The following ABCA2 variants were observed in gnomAD, a reference collection of about 807,000 sequenced individuals.
ABCA2 encodes ATP binding cassette subfamily A member 2.
Under a neutral mutation model 262.8 loss-of-function variants are expected in ABCA2, and 84 were observed. The observed-to-expected ratio is 0.32, with a 90% CI of 0.27 to 0.38. The LOEUF (loss-of-function observed/expected upper bound fraction) is 0.38, where lower values mean the gene tolerates loss of function less well. Ranked by LOEUF, ABCA2 falls within the 10% of genes least tolerant of loss-of-function variation. The pLI, the probability that ABCA2 is intolerant of heterozygous loss-of-function variation, is 1.00. For missense variants in ABCA2, 2,662 were observed against 3,405.9 expected, an observed-to-expected ratio of 0.78 and a Z score of 5.44; for synonymous variants, 1,696 against 1,502.9, an observed-to-expected ratio of 1.13 and a Z score of -2.97.
Position 137,021,908 on chromosome 9 carries a change from GA to G in ABCA2, c.660del (p.Leu222CysfsTer213). On this transcript the variant is annotated frameshift_variant, in exon 7 of 49. Transcript: ENST00000341511. LOFTEE classifies it high-confidence loss of function. This position sits in a 1 kb window ranked among gnomAD's most constrained non-coding sequence, Gnocchi z 6.0. ...GCCCTCACCTCCATCCGGAACAGGG[GA>G]TTGCCCCCTAGGCGGCTCCAGGGCT... ...GQEPWSRLGG[N>X]PLFRMEELLL... 6.2e-7 allele frequency: 1 copy of G among 1,600,200 alleles called. No homozygotes were observed. The highest frequency in any genetic ancestry group is 8.5e-7 in the Non-Finnish European group (1 of 1,174,462).
In ABCA2 at chr9:137,016,314, G is replaced by T; in HGVS notation, c.3081C>A (p.Asn1027Lys). The change falls in exon 21 of 49, where the codon AAC becomes AAA. Residue 1027 changes from asparagine to lysine, a missense_variant. By Grantham distance (94) the Asn-to-Lys change is moderately conservative. This residue lies in a region of ABCA2 where 180 missense variants were observed against 307.3 expected (regional missense o/e 0.59). Transcript: ENST00000341511. ...ACATGGTGGTGGTCTTGCCCGCCCC[G>T]TTGTGGCCCAAGAAGGAGACCACCT... ...ENQVVSFLGH[N>K]GAGKTTTMSI... 6.2e-7 allele frequency: 1 copy of T among 1,612,778 alleles called. No homozygotes were observed. The highest frequency in any genetic ancestry group is 8.5e-7 in the Non-Finnish European group (1 of 1,179,938).
At chr9:137,008,094 CCT>C in intron 48 of ABCA2, 130 bp from the exon 49 acceptor site, 3 of 1,200,672 alleles carry the variant, frequency 2.5e-6, no homozygotes, top group South Asian at 1.4e-5. Context: ...CCACGAGCTC[CCT>C]CTGTGTCTGG....
rs1171085533 is a variant in ABCA2, at chr9:137,010,959, C to T, written c.6056+14G>A. ...CTCCCGCCCCGCCCCCGCCCCACCC[C>T]GCCCCCCACTCACTGTGGCCGCCGC... On this transcript the variant is annotated intron_variant, in intron 39 of 48. Coordinates refer to ENST00000341511, the MANE Select transcript of ABCA2 (RefSeq NM_001606.5). 2.0e-5 allele frequency: 28 copies of T among 1,401,064 alleles called. No homozygotes were observed. The highest frequency in any genetic ancestry group is 8.9e-5 in the African/African-American group (6 of 67,684). The allele number at this position is 1,401,064 out of a possible 1,614,324, so 86.8% of individuals were successfully genotyped here.
At position 137,017,917 on chromosome 9, in the gene ABCA2, G is replaced by A. The variant is rs779724846; in HGVS notation, c.2097-16C>T. On this transcript the variant is annotated splice_polypyrimidine_tract_variant and intron_variant, in intron 15 of 48. Transcript: ENST00000341511. ...AAACAGGAAGCTGCGGGGAGGCCGCGCTCAGGCGCCACTCAGCCCCAGCCC... is the reference window on the plus strand; with the variant it reads ...AAACAGGAAGCTGCGGGGAGGCCGCACTCAGGCGCCACTCAGCCCCAGCCC... The A allele has an allele frequency of 3.1e-6, 5 of 1,612,168 alleles. No homozygotes were observed. In the South Asian group the frequency reaches 3.3e-5, roughly 11 times the overall value.
In ABCA2 at chr9:137,009,650, G is replaced by A; in HGVS notation, c.6631-6C>T. ...ATGCCTGTGGTGGGCTCGTCCTGGG[G>A]ATGGGTGGCAGGCTCAGCTGCTGCC... is the stretch of plus-strand genomic sequence containing the variant. On this transcript the variant is annotated splice_region_variant and splice_polypyrimidine_tract_variant and intron_variant, in intron 43 of 48. Transcript: ENST00000341511. 6.8e-6 allele frequency: 11 copies of A among 1,612,700 alleles called. No homozygotes were observed. The highest frequency in any genetic ancestry group is 9.3e-6 in the Non-Finnish European group (11 of 1,179,880).
chr9:137,019,470 T>C lies in ABCA2; in HGVS notation c.1426-164A>G. On this transcript the variant is annotated intron_variant, in intron 10 of 48. Transcript: ENST00000341511. The surrounding 1 kb of genome is among the most constrained non-coding windows in gnomAD (Gnocchi z 4.4). ...GAGACAGGGTCTCAGTCACCCACGC[T>C]GGAGTGCAGTGGTGCAGTCCCAGCT... 1 of 751,388 alleles carries C rather than the reference T, an allele frequency of 1.3e-6. No homozygotes were observed. The highest frequency in any genetic ancestry group is 2.1e-6 in the Non-Finnish European group (1 of 482,196). The allele number at this position is 751,388 out of a possible 1,614,324, so 46.5% of individuals were successfully genotyped here.
chr9:137,021,010 G>A lies in ABCA2; in HGVS notation c.949C>T (p.Pro317Ser). 1.3e-6 allele frequency: 2 copies of A among 1,495,632 alleles called. No individual in the cohort carries two copies. The highest frequency in any genetic ancestry group is 1.8e-6 in the Non-Finnish European group (2 of 1,121,642). The allele number at this position is 1,495,632 out of a possible 1,614,324, so 92.6% of individuals were successfully genotyped here. A position where few individuals can be genotyped will look rare whatever the true frequency, so the allele number is the denominator to read the frequency against. Reference protein sequence around the residue: ...GSDSSPQAPPPRRLQALLGDL... With the variant: ...GSDSSPQAPPSRRLQALLGDL... ...CCCAGAAGCGCCTGCAGCCTCCGTG[G>A]GGGTGGCGCCTGTGGCGAGGAGTCC... The change falls in exon 9 of 49, where the codon CCA becomes TCA. Residue 317 changes from proline (P) to serine (S), a missense_variant. Pro to Ser is a moderately conservative substitution (Grantham distance 74). Coordinates refer to ENST00000341511, the MANE Select transcript of ABCA2 (RefSeq NM_001606.5). This position sits in a 1 kb window ranked among gnomAD's most constrained non-coding sequence, Gnocchi z 6.0.
chr9:137,019,238 C>T lies in ABCA2; in HGVS notation c.1494G>A (p.Ala498=), dbSNP rs543282930. ...HYAQVWLNIS[A]EIRSFLEQGR... is the part of the protein sequence containing the mutation. Reference sequence around the variant, plus strand: ...CCTGCTCCAGGAAGCTGCGGATCTCCGCCGAGATGTTGAGCCAGACCTGGG... The same window carrying T: ...CCTGCTCCAGGAAGCTGCGGATCTCTGCCGAGATGTTGAGCCAGACCTGGG... Residue 498 remains alanine, a synonymous_variant, in exon 11 of 49, where the codon GCG becomes GCA. Coordinates refer to ENST00000341511, the MANE Select transcript of ABCA2 (RefSeq NM_001606.5). This position sits in a 1 kb window ranked among gnomAD's most constrained non-coding sequence, Gnocchi z 4.4. 23 of 1,612,676 alleles carry T rather than the reference C, an allele frequency of 1.4e-5. No individual in the cohort carries two copies. The highest frequency in any genetic ancestry group is 1.7e-4 in the Middle Eastern group (1 of 6,054).
Position 137,022,442 on chromosome 9 carries a change from G to A in ABCA2, c.476C>T (p.Pro159Leu), listed in dbSNP as rs535717262. Reference sequence around the variant, plus strand: ...CGTCAGGAAACGCCAGAGCTCCTGCGGGTTTCTGGCCACCGAGTCCAGAGA... The same window carrying A: ...CGTCAGGAAACGCCAGAGCTCCTGCAGGTTTCTGGCCACCGAGTCCAGAGA... ...SFSLDSVARN[P>L]QELWRFLTQN... is the part of the protein sequence containing the mutation. Residue 159 changes from proline to leucine, a missense_variant, in exon 6 of 49, where the codon CCG (proline) becomes CTG (leucine). Physicochemically the swap from Pro to Leu is moderately conservative, Grantham distance 98. Around this residue, in one of 12 missense-constraint regions of ABCA2, gnomAD observed 403 missense variants for 375.9 expected, o/e 1.07. Coordinates refer to ENST00000341511, the MANE Select transcript of ABCA2 (RefSeq NM_001606.5). The A allele has an allele frequency of 2.5e-6, 4 of 1,612,004 alleles. No homozygotes were observed. The highest frequency in any genetic ancestry group is 2.2e-5 in the South Asian group (2 of 90,740).
Position 137,010,730 on chromosome 9 carries a change from G to A in ABCA2, c.6064C>T (p.Pro2022Ser), listed in dbSNP as rs753560193. 3.7e-6 allele frequency: 6 copies of A among 1,612,454 alleles called. No homozygotes were observed. In the East Asian group the frequency reaches 1.3e-4, roughly 36 times the overall value. Residue 2022 changes from proline to serine, a missense_variant, in exon 40 of 49, where the codon CCT becomes TCT. Pro to Ser is a moderately conservative substitution (Grantham distance 74). Coordinates refer to ENST00000341511, the MANE Select transcript of ABCA2 (RefSeq NM_001606.5). ...YNFLRRPQRMPVSTKPVEDDV... is the reference protein window; with the variant it reads ...YNFLRRPQRMSVSTKPVEDDV... ...TCCTCCACAGGCTTGGTAGACACAGGCATGCGCCTTGGGGGACAGGGTGGA... is the reference window on the plus strand; with the variant it reads ...TCCTCCACAGGCTTGGTAGACACAGACATGCGCCTTGGGGGACAGGGTGGA...
chr9:137,023,782 T>C (rs902396786), intron 3 of ABCA2, 56 bp downstream of exon 3: 11 of 732,414 alleles, frequency 1.5e-5, no homozygotes, highest in Non-Finnish European at 2.8e-5. Context: ...GGACGGCCCA[T>C]GGGCCCCCCG....
At chr9:137,009,332 G>GCCCCCCCCCCCCCCCCCCCCCC in intron 45 of ABCA2, 38 bp downstream of exon 45, 1 of 980,410 alleles carries the variant, frequency 1.0e-6, no homozygotes, top group Non-Finnish European at 1.5e-6. Context: ...CCCCCCCCGG[G>GCCCCCCCCCCCCCCCCCCCCCC]CCCGCCCCAG....
At chr9:137,027,453 C>T (rs1831689976) in intron 1 of ABCA2, 1 of 152,764 alleles carries the variant, frequency 6.5e-6, no homozygotes. Context: ...GGAGAACTGA[C>T]CCCAAAGGAC....
At position 137,021,635 on chromosome 9, in the gene ABCA2, G is replaced by A. The variant is rs757416011; in HGVS notation, c.679-25C>T. The A allele has an allele frequency of 1.7e-5, 26 of 1,540,462 alleles. No homozygotes were observed. In the African/African-American group the frequency reaches 2.9e-4, roughly 17 times the overall value. On this transcript the variant is annotated intron_variant, in intron 7 of 48. Transcript: ENST00000341511. The surrounding 1 kb of genome is among the most constrained non-coding windows in gnomAD (Gnocchi z 6.0). ...CCTGGGATGGGCACAGGGGTCCGTG[G>A]AGCCACGGCAAGGACTTTGTCCCCA... is the stretch of plus-strand genomic sequence containing the variant.
chr9:137,021,037 AGCCGTTGGGGGCATCCAG>A lies in ABCA2; in HGVS notation c.904_921del (p.Leu302_Gly307del). ...GGTGGCGCCTGTGGCGAGGAGTCCG[AGCCGTTGGGGGCATCCAG>A]GCCCAGCTGAGGGGAAACAGGCACG... On this transcript the variant is annotated inframe_deletion, in exon 9 of 49. Coordinates refer to ENST00000341511, the MANE Select transcript of ABCA2 (RefSeq NM_001606.5). The surrounding 1 kb of genome is among the most constrained non-coding windows in gnomAD (Gnocchi z 6.0). The A allele has an allele frequency of 1.3e-6, 2 of 1,482,880 alleles. No homozygotes were observed. Among genetic ancestry groups the A allele is most frequent in the South Asian group, 2.7e-5 (2 of 73,560 alleles). 91.9% of individuals were successfully genotyped at this position (1,482,880 alleles called of 1,614,324 possible).
rs199700897 is a variant in ABCA2, at chr9:137,020,888, G to A, written c.1071C>T (p.Pro357=). Residue 357 remains proline, a synonymous_variant, in exon 9 of 49, where the codon CCC becomes CCT. Coordinates refer to ENST00000341511, the MANE Select transcript of ABCA2 (RefSeq NM_001606.5). ...CACCCGCACCACTGGCTGGGGGTCC[G>A]GGGGTCCGGCCAGTGCAGGCACCCT... ...LPQGACTGRT[P]GPPASGAGGA... The A allele has an allele frequency of 2.2e-3, 3,478 of 1,549,416 alleles. 12 individuals are homozygous for A. The highest frequency in any genetic ancestry group is 2.2e-3 in the South Asian group (189 of 84,394).
Position 137,010,692 on chromosome 9 carries a change from C to T in ABCA2, c.6102G>A (p.Val2034=), listed in dbSNP as rs1424624722. The T allele has an allele frequency of 6.2e-7, 1 of 1,612,380 alleles. No homozygotes were observed. The highest frequency in any genetic ancestry group is 1.3e-5 in the African/African-American group (1 of 74,844). The change falls in exon 40 of 49, where the codon GTG becomes GTA. Residue 2034 remains valine, a synonymous_variant. Transcript: ENST00000341511. ...GGAGCACTCGCTGCCGCTCACTGGC[C>T]ACGTCCACATCATCCTCCACAGGCT... ...STKPVEDDVD[V]ASERQRVLRG...
chr9:137,007,668 G>T lies in ABCA2; in HGVS notation c.*261C>A. On this transcript the variant is annotated 3_prime_UTR_variant, in exon 49 of 49. Transcript: ENST00000341511. ...CCAGGCAGGGGCGAGGGGCCGGGCA[G>T]ACCCCGAGGCTTTAAGGCAAAGCAG... The T allele has an allele frequency of 1.8e-6, 1 of 567,974 alleles. No homozygotes were observed. Among genetic ancestry groups the T allele is most frequent in the Non-Finnish European group, 3.1e-6 (1 of 318,550 alleles). 35.2% of individuals were successfully genotyped at this position (567,974 alleles called of 1,614,324 possible).
Position 137,018,164 on chromosome 9 carries a change from G to T in ABCA2, c.1993+14C>A. 1 of 1,611,394 alleles carries T rather than the reference G, an allele frequency of 6.2e-7. No individual in the cohort carries two copies. Among genetic ancestry groups the T allele is most frequent in the Non-Finnish European group, 8.5e-7 (1 of 1,179,286 alleles). ...CATGAATCCTCCAGCCGGTCTTCCG[G>T]GCCTGCTCCTCACCCTGGATCCAGA... On this transcript the variant is annotated intron_variant, in intron 14 of 48. Transcript: ENST00000341511.
Sources: allele counts gnomAD v4.1 joint callset, GRCh38; gene constraint gnomAD v4.1.1; regional missense constraint gnomAD v4.1.1; non-coding constraint Gnocchi (gnomAD v3.1); transcripts MANE v1.5; gene names NCBI Gene and HGNC (gene_info 2026-07-23, HGNC 2026-07-21).